STRN3: variants seen among roughly 807,000 people sequenced by gnomAD.
STRN3 encodes striatin 3.
STRN3 carries 29 observed loss-of-function variants against 95.6 expected under a neutral mutation model. That is an observed-to-expected ratio of 0.30 (90% CI 0.23 to 0.41). STRN3 has a LOEUF of 0.41. Among genes scored for constraint, STRN3 ranks in the 10% least tolerant of loss-of-function variants. STRN3 has a pLI of 1.00. For synonymous variants in STRN3, 331 were observed against 357.6 expected, an observed-to-expected ratio of 0.93 and a Z score of 0.84; for missense variants, 890 against 972.1, an observed-to-expected ratio of 0.92 and a Z score of 1.12.
At chr14:30,898,270 C>A (rs1391241097) in intron 16 of STRN3, among the ~76,000 whole-genome samples, 1 of 152,208 alleles carries the variant, frequency 6.6e-6, no homozygotes, top group Admixed American at 6.5e-5. Context: ...ACCCATCACA[C>A]CTAGCCTTGA....
At chr14:30,937,085 T>C (rs1246676220) in intron 5 of STRN3, among the ~76,000 whole-genome samples, 2 of 151,362 alleles carry the variant, frequency 1.3e-5, no homozygotes, top group East Asian at 3.9e-4. Flanking sequence ...CTTTGGGAGG[T>C]GAAGAGGGGA....
In STRN3 at chr14:30,929,202, C is replaced by A. The variant is rs947204891; in HGVS notation, c.1098G>T (p.Lys366Asn). 2 of 1,606,754 alleles carry A rather than the reference C, an allele frequency of 1.2e-6. No individual in the cohort carries two copies. The highest frequency in any genetic ancestry group is 2.7e-5 in the African/African-American group (2 of 74,530). ...KKERKGKKGVKRANRTKLYDM... is the reference protein window; with the variant it reads ...KKERKGKKGVNRANRTKLYDM... ...ATAATAGTCAGAATCTGCACTTACT[C>A]TTCACCCCTTTCTTCCCCTTTCGTT... Residue 366 changes from lysine to asparagine, a missense_variant and splice_region_variant, in exon 8 of 18, where the codon AAG becomes AAT. Physicochemically the swap from Lys to Asn is moderately conservative, Grantham distance 94 (BLOSUM62 0). This residue lies in a region of STRN3 where 526 missense variants were observed against 526.3 expected (regional missense o/e 1.00). Coordinates refer to ENST00000357479, the MANE Select transcript of STRN3 (RefSeq NM_001083893.2).
At chr14:30,936,266 T>C (rs1878812190) in intron 6 of STRN3, among the ~76,000 whole-genome samples, 1 of 152,182 alleles carries the variant, frequency 6.6e-6, no homozygotes, top group Admixed American at 6.5e-5. Flanking sequence ...TCAAAATCAA[T>C]GGACTAGTCC....
intron 13 of STRN3, among the ~76,000 whole-genome samples, chr14:30,908,589 T>C (rs1325094741): frequency 6.6e-6 from 1 of 152,222 alleles, no homozygotes; most frequent in African/African-American, 2.4e-5. Flanking sequence ...ATCATATTAT[T>C]GGACCTCTCA....
chr14:30,907,573 T>C (rs576767880), intron 13 of STRN3, among the ~76,000 whole-genome samples: 1 of 151,750 alleles, frequency 6.6e-6, no homozygotes, highest in South Asian at 2.1e-4. Context: ...CTTTTGTGAC[T>C]GGGTTCTTTC....
chr14:30,896,583 G>A (rs1896158601), intron 16 of STRN3, among the ~76,000 whole-genome samples: 1 of 151,322 alleles, frequency 6.6e-6, no homozygotes, highest in Non-Finnish European at 1.5e-5. Flanking sequence ...GGGGAGGGGA[G>A]GGGAGGGGAG....
In STRN3 at chr14:30,895,437, C is replaced by G. The variant is rs1248312614; in HGVS notation, c.2368G>C (p.Asp790His). 1 of 1,606,410 alleles carries G rather than the reference C, an allele frequency of 6.2e-7. No homozygotes were observed. The highest frequency in any genetic ancestry group is 1.7e-5 in the Admixed American group (1 of 58,566). The change falls in exon 18 of 18, where the codon GAT (aspartate) becomes CAT (histidine). Residue 790 changes from aspartate (D) to histidine (H), a missense_variant. Physicochemically the swap from Asp to His is moderately conservative, Grantham distance 81. This residue lies in a region of STRN3 where 357 missense variants were observed against 422.8 expected (regional missense o/e 0.84). Transcript: ENST00000357479. The part of the protein sequence containing the change: ...SKAYIASAGA[D>H]ALAKVFV ...CATACAAATACTTTGGCAAGAGCAT[C>G]AGCTCCTGCACTAGCTATATATGCT... is the stretch of plus-strand genomic sequence containing the variant.
At chr14:30,927,620 TAA>T (rs113791972) in intron 8 of STRN3, among the ~76,000 whole-genome samples, 6 of 146,726 alleles carry the variant, frequency 4.1e-5, no homozygotes, top group African/African-American at 1.2e-4. Flanking sequence ...TTTATTTCTT[TAA>T]AAAAAAAAAA....
chr14:30,995,917 C>T (rs1005743272), intron 1 of STRN3, among the ~76,000 whole-genome samples: 2 of 152,134 alleles, frequency 1.3e-5, no homozygotes, highest in African/African-American at 4.8e-5. Flanking sequence ...TAGAAATTAC[C>T]TCCACTAAAT....
chr14:31,012,302 A>G (rs1310812628), intron 1 of STRN3, among the ~76,000 whole-genome samples: 2 of 152,220 alleles, frequency 1.3e-5, no homozygotes, highest in African/African-American at 4.8e-5. Flanking sequence ...AATAAAAGCA[A>G]GCCCCAGTTA....
chr14:30,932,652 G>T (rs1437126829), intron 7 of STRN3, among the ~76,000 whole-genome samples: 2 of 152,154 alleles, frequency 1.3e-5, no homozygotes, highest in Admixed American at 1.3e-4. Flanking sequence ...GCTAAATATT[G>T]AGAGTTGTCT....
Position 30,929,967 on chromosome 14 carries a change from A to AAAAAAAAAAAAAAAAAAAAAAAAAAC in STRN3, c.989-657_989-656insGTTTTTTTTTTTTTTTTTTTTTTTTT, listed in dbSNP as rs1555317336. On this transcript the variant is annotated intron_variant, in intron 7 of 17. Coordinates refer to ENST00000357479, the MANE Select transcript of STRN3 (RefSeq NM_001083893.2). ...AACTAAGATTAGCAAAAAAAAAAAAAAAAAAAAAAAAACTCAAATTCCACT... is the reference window on the plus strand; with the variant it reads ...AACTAAGATTAGCAAAAAAAAAAAAAAAAAAAAAAAAAAAAAAAAAAAAAACAAAAAAAAAAAACTCAAATTCCACT... 7.3e-4 allele frequency among the ~76,000 whole-genome samples: 67 copies of AAAAAAAAAAAAAAAAAAAAAAAAAAC among 91,194 alleles called. 1 individual carries two copies. The highest frequency in any genetic ancestry group is 9.7e-4 in the Non-Finnish European group (43 of 44,130). 59.8% of individuals were successfully genotyped at this position (91,194 alleles called of 152,430 possible).
intron 9 of STRN3, among the ~76,000 whole-genome samples, chr14:30,918,512 G>GA (rs1260791895): frequency 9.0e-4 from 72 of 79,618 alleles, no homozygotes; most frequent in African/African-American, 2.6e-3. Context: ...CTGTCTCAAG[G>GA]AAAAAAAAAG....
chr14:30,960,735 G>A (rs1033116177), intron 1 of STRN3, among the ~76,000 whole-genome samples: 4 of 151,964 alleles, frequency 2.6e-5, no homozygotes, highest in Non-Finnish European at 5.9e-5. Flanking sequence ...CGGGCGTGGT[G>A]GCGGGCGCCT....
At chr14:31,006,105 C>T (rs146043807) in intron 1 of STRN3, among the ~76,000 whole-genome samples, 2,632 of 129,698 alleles carry the variant, frequency 0.02, 74 homozygotes, top group African/African-American at 0.071. Flanking sequence ...GGTGACAGAG[C>T]GAGACTCTGT....
At chr14:30,919,666 T>A (rs1288204781) in intron 8 of STRN3, among the ~76,000 whole-genome samples, 1 of 152,150 alleles carries the variant, frequency 6.6e-6, no homozygotes, top group African/African-American at 2.4e-5. Context: ...TCAACCCCAA[T>A]TTCTTTCAAA....
At chr14:30,900,971 TTAATA>T (rs1486566173) in intron 16 of STRN3, among the ~76,000 whole-genome samples, 4 of 152,212 alleles carry the variant, frequency 2.6e-5, no homozygotes, top group African/African-American at 9.6e-5. Flanking sequence ...CCTTTTGCTT[TTAATA>T]TAACTACTAA....
intron 5 of STRN3, among the ~76,000 whole-genome samples, chr14:30,946,272 G>C (rs934720811): frequency 6.6e-6 from 1 of 152,158 alleles, no homozygotes; most frequent in Non-Finnish European, 1.5e-5. Context: ...GTTGGGTACG[G>C]TGGCTCATGC....
chr14:30,906,918 T>G lies in STRN3; in HGVS notation c.1847A>C (p.Gln616Pro), dbSNP rs780342567. The G allele has an allele frequency of 1.9e-6, 3 of 1,613,590 alleles. No homozygotes were observed. The highest frequency in any genetic ancestry group is 2.5e-6 in the Non-Finnish European group (3 of 1,179,820). ...ADGTVRLWNP[Q>P]EKLPCICTYN... ...AGTGCAAATACATGGCAATTTTTCT[T>G]GTGGATTCCATAACCTAACAGTGCC... The change falls in exon 14 of 18, where the codon CAA becomes CCA. Residue 616 changes from glutamine to proline, a missense_variant. This residue lies in a region of STRN3 where 357 missense variants were observed against 422.8 expected (regional missense o/e 0.84). Coordinates refer to ENST00000357479, the MANE Select transcript of STRN3 (RefSeq NM_001083893.2).
Sources: gnomAD v4.1 joint callset for allele counts (sites outside exome capture counted in the v4.1 genomes callset) on GRCh38, gnomAD v4.1.1 for gene constraint, gnomAD v4.1.1 regional missense constraint, MANE v1.5 for transcripts, NCBI Gene and HGNC (gene_info 2026-07-23, HGNC 2026-07-21) for gene names.